Variants in BCL7A observed in about 807,000 individuals in gnomAD.
BCL7A encodes BAF chromatin remodeling complex subunit BCL7A, also known as B-cell CLL/lymphoma 7 protein family member A.
Under a neutral mutation model 28.4 loss-of-function variants are expected in BCL7A, and 11 were observed. The observed-to-expected ratio is 0.39, with a 90% CI of 0.24 to 0.64. The LOEUF is 0.64. Among genes scored for constraint, BCL7A ranks in the 30% least tolerant of loss-of-function variants. The probability of loss-of-function intolerance (pLI) is 0.50; values close to 1 mark genes in which losing one functional copy is unlikely to be tolerated. For synonymous variants in BCL7A, 123 were observed against 103.3 expected (o/e 1.19, Z -1.15); for missense variants, 222 against 274.8 (o/e 0.81, Z 1.36).
intron 5 of BCL7A, among the ~76,000 whole-genome samples, chr12:122,055,346 T>C (rs893303234): frequency 1.6e-4 from 25 of 152,196 alleles, no homozygotes; most frequent in Admixed American, 1.3e-4. Context: ...CCACTTGCAC[T>C]GCATGGGCCC....
Position 122,043,940 on chromosome 12 carries a change from ACAG to A in BCL7A, c.332_334del (p.Ser111del). On this transcript the variant is annotated inframe_deletion, in exon 4 of 6. Transcript: ENST00000261822. ...GATGCCTCCCCCATCAAACAGGAGA[ACAG>A]CAGCAACTCCAGCCCCGCTCCAGAG... is the stretch of plus-strand genomic sequence containing the variant. 1.9e-6 allele frequency: 3 copies of A among 1,613,986 alleles called. No homozygotes were observed. The highest frequency in any genetic ancestry group is 2.2e-5 in the South Asian group (2 of 91,074).
chr12:122,056,281 C>G (rs2135861709), intron 5 of BCL7A, among the ~76,000 whole-genome samples: 1 of 152,238 alleles, frequency 6.6e-6, no homozygotes, highest in East Asian at 1.9e-4. Context: ...GATCCATACC[C>G]TGAGAGTATC....
intron 1 of BCL7A, among the ~76,000 whole-genome samples, chr12:122,022,524 A>T (rs1883488358): frequency 7.3e-6 from 1 of 137,814 alleles, no homozygotes; most frequent in Non-Finnish European, 1.6e-5. Context: ...CCGGCCCCAG[A>T]AGCCATTTCG....
chr12:122,023,738 C>T (rs915928308), intron 1 of BCL7A, among the ~76,000 whole-genome samples: 4 of 152,164 alleles, frequency 2.6e-5, no homozygotes, highest in Non-Finnish European at 5.9e-5. Context: ...TTAAAAATGG[C>T]AGAAACAGCT....
chr12:122,043,503 G>A (rs1884002932), intron 3 of BCL7A, among the ~76,000 whole-genome samples: 1 of 152,042 alleles, frequency 6.6e-6, no homozygotes, highest in African/African-American at 2.4e-5. Flanking sequence ...CGGGTGCAGT[G>A]GCTCAACGCC....
intron 3 of BCL7A, among the ~76,000 whole-genome samples, chr12:122,039,321 ATAAT>A (rs1883921194): frequency 6.8e-6 from 1 of 147,170 alleles, no homozygotes; most frequent in Non-Finnish European, 1.5e-5. Flanking sequence ...AAAAAAAAAA[ATAAT>A]AATAATAATA....
rs549726325 is a variant in BCL7A at position 122,059,785 on chromosome 12, T to C, written c.*622T>C. Reference sequence around the variant, plus strand: ...CTGGTTTGCAGGTGCAGGGGGACCTTAGGCACGCCCCAAGCACCAGGCACC... The same window carrying C: ...CTGGTTTGCAGGTGCAGGGGGACCTCAGGCACGCCCCAAGCACCAGGCACC... On this transcript the variant is annotated 3_prime_UTR_variant, in exon 6 of 6. Coordinates refer to ENST00000261822, the MANE Select transcript of BCL7A (RefSeq NM_001024808.3). This position sits in a 1 kb window ranked among gnomAD's most constrained non-coding sequence, Gnocchi z 4.0. 46 of 231,240 alleles carry C rather than the reference T, an allele frequency of 2.0e-4. No homozygotes were observed. Among genetic ancestry groups the C allele is most frequent in the Non-Finnish European group, 3.8e-4 (44 of 116,972 alleles). 14.3% of individuals were successfully genotyped at this position (231,240 alleles called of 1,614,324 possible).
intron 3 of BCL7A, among the ~76,000 whole-genome samples, chr12:122,041,359 G>GTC (rs1204886462): frequency 6.6e-6 from 1 of 152,198 alleles, no homozygotes; most frequent in Non-Finnish European, 1.5e-5. Context: ...CTGTTGGGGT[G>GTC]TCTCTGTCTC....
At chr12:122,023,025 C>G in intron 1 of BCL7A, among the ~76,000 whole-genome samples, 1 of 152,280 alleles carries the variant, frequency 6.6e-6, no homozygotes, top group East Asian at 1.9e-4. Context: ...TTGTTCTCTG[C>G]ACCGGGGAGA....
At position 122,022,858 on chromosome 12, in the gene BCL7A, G is replaced by A. The variant is rs573565726; in HGVS notation, c.92+675G>A. Among the ~76,000 whole-genome samples, 50 of 151,660 alleles carry A rather than the reference G, an allele frequency of 3.3e-4. 1 individual carries two copies. The highest frequency in any genetic ancestry group is 2.9e-3 in the Admixed American group (44 of 15,262). On this transcript the variant is annotated intron_variant, in intron 1 of 5. Transcript: ENST00000261822. ...GCGAGCGCTGGGAGCCAGCGGCCAG[G>A]GGCGCGGGGCGCCCACGTCCCACCC... is the stretch of plus-strand genomic sequence containing the variant.
At position 122,035,361 on chromosome 12, in the gene BCL7A, G is replaced by A. The variant is rs765773440; in HGVS notation, c.205G>A (p.Glu69Lys). ...KNKNKKKGKD[E>K]KCGSEVTTPE... ...CAAGAATAAGAAAAAAGGCAAGGAC[G>A]AGAAGTGTGGCTCAGAGGTGACCAC... Residue 69 changes from glutamate (E) to lysine (K), a missense_variant, in exon 3 of 6, where the codon GAG becomes AAG. Glu to Lys is a moderately conservative substitution (Grantham distance 56, BLOSUM62 1). Coordinates refer to ENST00000261822, the MANE Select transcript of BCL7A (RefSeq NM_001024808.3). 3.1e-6 allele frequency: 5 copies of A among 1,614,168 alleles called. No individual in the cohort carries two copies. The highest frequency in any genetic ancestry group is 2.2e-5 in the East Asian group (1 of 44,884).
intron 1 of BCL7A, among the ~76,000 whole-genome samples, chr12:122,028,677 A>G (rs1883679070): frequency 1.3e-5 from 2 of 152,174 alleles, no homozygotes; most frequent in Admixed American, 1.3e-4. Flanking sequence ...TGAGACCCCA[A>G]GCTAGTGGTA....
chr12:122,044,965 A>C (rs1002834082), intron 4 of BCL7A, among the ~76,000 whole-genome samples: 23 of 152,278 alleles, frequency 1.5e-4, no homozygotes, highest in Admixed American at 4.6e-4. Flanking sequence ...TTGCAGTTTT[A>C]AATGGGGTGG....
chr12:122,034,952 A>G (rs1199255207), intron 2 of BCL7A, among the ~76,000 whole-genome samples: 2 of 152,118 alleles, frequency 1.3e-5, no homozygotes, highest in Non-Finnish European at 2.9e-5. Flanking sequence ...ACCTGGCATT[A>G]CTTTGTACCT....
chr12:122,045,075 T>C (rs928655091), intron 4 of BCL7A, among the ~76,000 whole-genome samples: 3 of 151,434 alleles, frequency 2.0e-5, no homozygotes, highest in Non-Finnish European at 2.9e-5. Flanking sequence ...TAAGAGTGAG[T>C]GAGGAGCTGG....
chr12:122,035,317 A>G lies in BCL7A; in HGVS notation c.175-14A>G. The G allele has an allele frequency of 1.2e-6, 2 of 1,611,922 alleles. No homozygotes were observed. Among genetic ancestry groups the G allele is most frequent in the Non-Finnish European group, 1.7e-6 (2 of 1,178,084 alleles). ...GATCTGGTGACTTGGTTTCTGCTCC[A>G]TTTTCCCCTGCAGAAAAACAAGAAT... On this transcript the variant is annotated splice_polypyrimidine_tract_variant and intron_variant, in intron 2 of 5. Coordinates refer to ENST00000261822, the MANE Select transcript of BCL7A (RefSeq NM_001024808.3).
chr12:122,022,473 C>G (rs952118122), intron 1 of BCL7A, among the ~76,000 whole-genome samples: 1 of 144,998 alleles, frequency 6.9e-6, no homozygotes, highest in African/African-American at 2.5e-5. Context: ...GGCGGGGCGG[C>G]CCCCGCCGCG....
At position 122,060,360 on chromosome 12, in the gene BCL7A, C is replaced by T. The variant is rs1951910835; in HGVS notation, c.*1197C>T. On this transcript the variant is annotated 3_prime_UTR_variant, in exon 6 of 6. Transcript: ENST00000261822. ...CCACCGGGGAGTGGGCCTTGATGGC[C>T]GGGCCTCGAAGGCCACAAACAAGGC... 1 of 232,776 alleles carries T rather than the reference C, an allele frequency of 4.3e-6. No individual in the cohort carries two copies. The highest frequency in any genetic ancestry group is 8.5e-6 in the Non-Finnish European group (1 of 117,650). 14.4% of individuals were successfully genotyped at this position (232,776 alleles called of 1,614,324 possible). A position where few individuals can be genotyped will look rare whatever the true frequency, so the allele number is the denominator to read the frequency against.
chr12:122,049,493 C>A (rs1884148332), intron 4 of BCL7A, among the ~76,000 whole-genome samples: 1 of 151,908 alleles, frequency 6.6e-6, no homozygotes, highest in Non-Finnish European at 1.5e-5. Context: ...ACCAGCCTGG[C>A]CAACATAGTG....
Sources: gnomAD v4.1 joint callset for allele counts (sites outside exome capture counted in the v4.1 genomes callset) on GRCh38, gnomAD v4.1.1 for gene constraint, Gnocchi (gnomAD v3.1) non-coding constraint, MANE v1.5 for transcripts, NCBI Gene and HGNC (gene_info 2026-07-23, HGNC 2026-07-21) for gene names.